The following ALKBH8 variants were observed in gnomAD, a reference collection of about 807,000 sequenced individuals.
ALKBH8 encodes the protein alkB homolog 8, tRNA methyltransferase.
ALKBH8 carries 36 observed loss-of-function variants against 59.8 expected under a neutral mutation model. The observed-to-expected ratio is 0.60, with a 90% CI of 0.46 to 0.79. The LOEUF (loss-of-function observed/expected upper bound fraction) is 0.79, where lower values mean the gene tolerates loss of function less well. Among genes scored for constraint, ALKBH8 ranks in the 30% least tolerant of loss-of-function variants. The pLI, the probability that ALKBH8 is intolerant of heterozygous loss-of-function variation, is 0.00. For synonymous variants in ALKBH8, 276 were observed against 273.6 expected, an observed-to-expected ratio of 1.01 and a Z score of -0.09; for missense variants, 768 against 801.0, an observed-to-expected ratio of 0.96 and a Z score of 0.50.
At chr11:107,557,984 T>A (rs1003233194) in intron 2 of ALKBH8, among the ~76,000 whole-genome samples, 1 of 152,202 alleles carries the variant, frequency 6.6e-6, no homozygotes, top group African/African-American at 2.4e-5. Context: ...TTGATGACGT[T>A]TTTCTGAGAA....
chr11:107,527,098 T>C (rs376191659), intron 8 of ALKBH8, among the ~76,000 whole-genome samples: 1 of 151,982 alleles, frequency 6.6e-6, no homozygotes, highest in Non-Finnish European at 1.5e-5. Flanking sequence ...AAAAGCCTTC[T>C]AGAGTTTTGA....
chr11:107,557,010 A>T lies in ALKBH8; in HGVS notation c.130-7T>A. 1 of 1,510,010 alleles carries T rather than the reference A, an allele frequency of 6.6e-7. No individual in the cohort carries two copies. Among genetic ancestry groups the T allele is most frequent in the East Asian group, 2.4e-5 (1 of 41,570 alleles). 93.5% of individuals were successfully genotyped at this position (1,510,010 alleles called of 1,614,324 possible). On this transcript the variant is annotated splice_region_variant and splice_polypyrimidine_tract_variant and intron_variant, in intron 2 of 11. Coordinates refer to ENST00000428149, the MANE Select transcript of ALKBH8 (RefSeq NM_138775.3). ...CATTGGCAACAACCAGGCTCTTAAAAAACAAACAAACAAACAAAAAGAAAG... is the reference window on the plus strand; with the variant it reads ...CATTGGCAACAACCAGGCTCTTAAATAACAAACAAACAAACAAAAAGAAAG...
At chr11:107,522,257 T>G (rs1353423928) in intron 10 of ALKBH8, 42 bp downstream of exon 10, 6 of 1,544,986 alleles carry the variant, frequency 3.9e-6, no homozygotes, top group Non-Finnish European at 4.4e-6. Flanking sequence ...TGATAACCAC[T>G]GCAAATTAAG....
At chr11:107,547,925 T>C (rs1864333849) in intron 7 of ALKBH8, among the ~76,000 whole-genome samples, 1 of 152,190 alleles carries the variant, frequency 6.6e-6, no homozygotes. Context: ...TTTTCCCTTC[T>C]TCATAATTTC....
intron 9 of ALKBH8, among the ~76,000 whole-genome samples, chr11:107,524,606 T>C (rs997077808): frequency 2.0e-5 from 3 of 152,226 alleles, no homozygotes; most frequent in Admixed American, 6.5e-5. Flanking sequence ...AAATTTGATA[T>C]TTTAAGGCTT....
intron 9 of ALKBH8, among the ~76,000 whole-genome samples, chr11:107,524,440 T>C (rs1863265878): frequency 6.6e-6 from 1 of 152,162 alleles, no homozygotes; most frequent in Non-Finnish European, 1.5e-5. Context: ...TAAATGCCCA[T>C]GATAAACATT....
intron 7 of ALKBH8, among the ~76,000 whole-genome samples, chr11:107,536,646 A>T (rs894482845): frequency 6.6e-6 from 1 of 152,154 alleles, no homozygotes; most frequent in Non-Finnish European, 1.5e-5. Context: ...CTGCTGAGGG[A>T]ACCCTGAATG....
chr11:107,527,543 T>G (rs528508270), intron 8 of ALKBH8, among the ~76,000 whole-genome samples: 1 of 152,184 alleles, frequency 6.6e-6, no homozygotes, highest in Admixed American at 6.5e-5. Context: ...ATTCTCAGGC[T>G]AATTGCTTTT....
At chr11:107,544,301 G>A (rs1198115031) in intron 7 of ALKBH8, among the ~76,000 whole-genome samples, 1 of 152,162 alleles carries the variant, frequency 6.6e-6, no homozygotes, top group Non-Finnish European at 1.5e-5. Context: ...CAGACTGCTG[G>A]CTGAAACAGG....
intron 2 of ALKBH8, 94 bp from the exon 3 acceptor site, chr11:107,557,097 T>C: frequency 1.1e-6 from 1 of 931,450 alleles, no homozygotes; most frequent in East Asian, 3.0e-5. Context: ...AAAAAAGATG[T>C]AATTAAGAAA....
intron 3 of ALKBH8, 117 bp downstream of exon 3, chr11:107,556,649 G>A (rs1452591075): frequency 3.2e-6 from 2 of 620,412 alleles, no homozygotes; most frequent in Non-Finnish European, 4.9e-6. Context: ...TAAAGTAAAA[G>A]GAGCTGCTAA....
At chr11:107,537,734 AT>A (rs1452624914) in intron 7 of ALKBH8, among the ~76,000 whole-genome samples, 3 of 142,006 alleles carry the variant, frequency 2.1e-5, no homozygotes, top group South Asian at 4.6e-4. Flanking sequence ...AAAAAAAAAA[AT>A]TTGGTGATTC....
chr11:107,525,338 TAG>T, intron 9 of ALKBH8, 101 bp downstream of exon 9: 1 of 1,065,710 alleles, frequency 9.4e-7, no homozygotes, highest in Non-Finnish European at 1.3e-6. Context: ...GAAATGCCAT[TAG>T]AGAGATTCAG....
chr11:107,562,532 A>G (rs927343840), intron 1 of ALKBH8, among the ~76,000 whole-genome samples: 2 of 152,172 alleles, frequency 1.3e-5, no homozygotes, highest in African/African-American at 4.8e-5. Context: ...AAGTCTTCAA[A>G]GTCAACCAAA....
rs188262083 is a variant in ALKBH8, at chr11:107,512,695, A to G, written c.1288-1659T>C. ...CTATAATACAGAAAAGAATTATATAAGCAGATTTAGTCAAACAGAAGTGGC... is the reference window on the plus strand; with the variant it reads ...CTATAATACAGAAAAGAATTATATAGGCAGATTTAGTCAAACAGAAGTGGC... On this transcript the variant is annotated intron_variant, in intron 10 of 11. Transcript: ENST00000428149. 3.9e-5 allele frequency among the ~76,000 whole-genome samples: 6 copies of G among 152,308 alleles called. 1 individual carries two copies. Among genetic ancestry groups the G allele is most frequent in the Admixed American group, 3.9e-4 (6 of 15,300 alleles).
chr11:107,503,828 T>G lies in ALKBH8; in HGVS notation c.*830A>C, dbSNP rs1004469647. 5 of 152,238 alleles carry G rather than the reference T, an allele frequency of 3.3e-5. No individual in the cohort carries two copies. The highest frequency in any genetic ancestry group is 7.3e-5 in the Non-Finnish European group (5 of 68,030). The allele number at this position is 152,238 out of a possible 1,614,324, so 9.4% of individuals were successfully genotyped here. A position where few individuals can be genotyped will look rare whatever the true frequency, so the allele number is the denominator to read the frequency against. ...TGCTCAATGAATTTGGAATACCAATTAACTCTTGATAATAAATTAGTCAGG... is the reference window on the plus strand; with the variant it reads ...TGCTCAATGAATTTGGAATACCAATGAACTCTTGATAATAAATTAGTCAGG... On this transcript the variant is annotated 3_prime_UTR_variant, in exon 12 of 12. Transcript: ENST00000428149.
Position 107,553,985 on chromosome 11 carries a change from G to A in ALKBH8, c.368-7C>T, listed in dbSNP as rs751067175. 1.1e-5 allele frequency: 17 copies of A among 1,612,748 alleles called. No individual in the cohort carries two copies. The highest frequency in any genetic ancestry group is 1.3e-5 in the African/African-American group (1 of 74,822). ...CTCAACTCCTTCCACTGCACTATGG[G>A]AAACCAAATTAAAATAGTCACATGC... On this transcript the variant is annotated splice_polypyrimidine_tract_variant and splice_region_variant and intron_variant, in intron 3 of 11. Transcript: ENST00000428149.
At chr11:107,554,095 C>T (rs775623189) in intron 3 of ALKBH8, 117 bp from the exon 4 acceptor site, 3 of 1,315,218 alleles carry the variant, frequency 2.3e-6, no homozygotes, top group Admixed American at 2.6e-5. Context: ...TTTTCGGAAA[C>T]AAGATTGCTG....
At chr11:107,539,133 A>T (rs1378147735) in intron 7 of ALKBH8, among the ~76,000 whole-genome samples, 6 of 152,238 alleles carry the variant, frequency 3.9e-5, no homozygotes, top group Non-Finnish European at 1.5e-5. Context: ...CCGCAGAAGT[A>T]CACTTTGCTA....
Sources: allele counts gnomAD v4.1 joint callset (sites outside exome capture counted in the v4.1 genomes callset), GRCh38; gene constraint gnomAD v4.1.1; transcripts MANE v1.5; gene names NCBI Gene and HGNC (gene_info 2026-07-23, HGNC 2026-07-21).